The following ADAM12 variants were observed in gnomAD, a reference collection of about 807,000 sequenced individuals.
ADAM12 encodes disintegrin and metalloproteinase domain-containing protein 12.
ADAM12 carries 70 observed loss-of-function variants against 106.4 expected under a neutral mutation model. That is an observed-to-expected ratio of 0.66 (90% CI 0.54 to 0.80). The LOEUF (loss-of-function observed/expected upper bound fraction) is 0.80, where lower values mean the gene tolerates loss of function less well. Among genes scored for constraint, ADAM12 ranks in the 30% least tolerant of loss-of-function variants. The probability of loss-of-function intolerance (pLI) is 0.00; values close to 1 mark genes in which losing one functional copy is unlikely to be tolerated. For missense variants in ADAM12, 1,010 were observed against 1,171.9 expected (o/e 0.86, Z 2.02); for synonymous variants, 420 against 433.5 (o/e 0.97, Z 0.39).
At chr10:126,231,736 T>A (rs1565154690) in intron 3 of ADAM12, among the ~76,000 whole-genome samples, 1 of 152,194 alleles carries the variant, frequency 6.6e-6, no homozygotes, top group Non-Finnish European at 1.5e-5. Context: ...CTGAACTGCC[T>A]CCTGCCTCGG....
chr10:126,121,174 C>G (rs1359757543), intron 5 of ADAM12, among the ~76,000 whole-genome samples: 1 of 94,272 alleles, frequency 1.1e-5, no homozygotes, highest in African/African-American at 4.9e-5. Context: ...ACTATATATA[C>G]TATATACACT....
chr10:126,082,296 T>C (rs985905332), intron 11 of ADAM12, among the ~76,000 whole-genome samples: 4 of 150,896 alleles, frequency 2.7e-5, no homozygotes, highest in African/African-American at 9.7e-5. Flanking sequence ...GTCCAGGCAC[T>C]GAGCTCAGAG....
chr10:126,328,115 T>A (rs1170191197), intron 2 of ADAM12, among the ~76,000 whole-genome samples: 1 of 152,258 alleles, frequency 6.6e-6, no homozygotes, highest in Non-Finnish European at 1.5e-5. Context: ...AATACTTTGT[T>A]GTTTTTTTCT....
chr10:126,188,704 T>C (rs17154456), intron 3 of ADAM12, among the ~76,000 whole-genome samples: 5,401 of 152,278 alleles, frequency 0.035, 324 homozygotes, highest in African/African-American at 0.12. Context: ...TCATCTTACC[T>C]TTGGGAATCT....
chr10:126,299,617 G>T (rs1187913131), intron 2 of ADAM12, among the ~76,000 whole-genome samples: 1 of 151,746 alleles, frequency 6.6e-6, no homozygotes, highest in Non-Finnish European at 1.5e-5. Context: ...CCATGTTACT[G>T]TCTAATATTT....
chr10:126,308,771 A>G (rs1960955758), intron 2 of ADAM12, among the ~76,000 whole-genome samples: 1 of 152,216 alleles, frequency 6.6e-6, no homozygotes, highest in Admixed American at 6.5e-5. Flanking sequence ...CTCATCTCAG[A>G]TAAGAGGCAT....
intron 1 of ADAM12, among the ~76,000 whole-genome samples, chr10:126,342,280 T>C (rs530194131): frequency 2.7e-4 from 41 of 152,332 alleles, no homozygotes; most frequent in Middle Eastern, 3.4e-3. Flanking sequence ...ACATGATTTT[T>C]ACAACCTTTG....
At chr10:126,098,614 T>A (rs1955601245) in intron 9 of ADAM12, 114 bp from the exon 10 acceptor site, 1 of 845,012 alleles carries the variant, frequency 1.2e-6, no homozygotes, top group East Asian at 2.6e-5. Flanking sequence ...TAAAAATAGC[T>A]GTATGAGGGT....
At chr10:126,271,422 C>T (rs116364852) in intron 3 of ADAM12, among the ~76,000 whole-genome samples, 1,895 of 152,284 alleles carry the variant, frequency 0.012, 38 homozygotes, top group African/African-American at 0.043. Context: ...AATATGCAGT[C>T]CCTTGACCAC....
chr10:126,366,739 A>G (rs1366479383), intron 1 of ADAM12, among the ~76,000 whole-genome samples: 1 of 152,144 alleles, frequency 6.6e-6, no homozygotes, highest in Non-Finnish European at 1.5e-5. Context: ...TGCTCTGCGC[A>G]TACATATGCA....
At chr10:126,383,073 T>C (rs1293776732) in intron 1 of ADAM12, among the ~76,000 whole-genome samples, 1 of 152,100 alleles carries the variant, frequency 6.6e-6, no homozygotes, top group African/African-American at 2.4e-5. Context: ...GCATCCTGAG[T>C]AGCTGGAACT....
chr10:126,064,137 G>T lies in ADAM12; in HGVS notation c.1609+669C>A, dbSNP rs1295893. Among the ~76,000 whole-genome samples the T allele has an allele frequency of 0.012, 1,764 of 152,096 alleles. 21 individuals carry two copies. The highest frequency in any genetic ancestry group is 0.04 in the African/African-American group (1,664 of 41,470). ...TTGTTGGAGGGTCAGAAGAGACAAA[G>T]TGTGCCAAGTGCCCAGCCTGAACTG... On this transcript the variant is annotated intron_variant, in intron 14 of 22. Coordinates refer to ENST00000448723, the MANE Select transcript of ADAM12 (RefSeq NM_001288973.2). The surrounding 1 kb of genome is among the most constrained non-coding windows in gnomAD (Gnocchi z 4.4).
chr10:126,112,335 GT>G (rs576900335), intron 6 of ADAM12, among the ~76,000 whole-genome samples: 3,575 of 142,356 alleles, frequency 0.025, 51 homozygotes, highest in South Asian at 0.047. Flanking sequence ...CATGTATCCT[GT>G]TTTTTTTTTT....
At chr10:126,129,303 G>C (rs1042650341) in intron 5 of ADAM12, among the ~76,000 whole-genome samples, 1 of 152,224 alleles carries the variant, frequency 6.6e-6, no homozygotes, top group Non-Finnish European at 1.5e-5. Context: ...CCCTCCAGGA[G>C]CTCATGCTCC....
chr10:126,288,892 GGACATGACCACAGGGTGGCAT>G (rs1230709491), intron 2 of ADAM12, among the ~76,000 whole-genome samples: 1 of 151,948 alleles, frequency 6.6e-6, no homozygotes, highest in Non-Finnish European at 1.5e-5. Context: ...TTACCCCTAA[GGACATGACCACAGGGTGGCAT>G]GATGGCCTGG....
rs369255179 is a variant in ADAM12, at chr10:126,065,567, T to C, written c.1414-566A>G. 4.5e-4 allele frequency among the ~76,000 whole-genome samples: 68 copies of C among 152,248 alleles called. 1 individual carries two copies. In the South Asian group the frequency reaches 0.012, roughly 27 times the overall value. ...GAGAGGTAAAGGATGTTAGAAGCCATCTGACCAATGGCTCAGCTTTTTGTG... is the reference window on the plus strand; with the variant it reads ...GAGAGGTAAAGGATGTTAGAAGCCACCTGACCAATGGCTCAGCTTTTTGTG... On this transcript the variant is annotated intron_variant, in intron 13 of 22. Coordinates refer to ENST00000448723, the MANE Select transcript of ADAM12 (RefSeq NM_001288973.2).
At position 126,049,294 on chromosome 10, in the gene ADAM12, G is replaced by A. The variant is rs1954408966; in HGVS notation, c.1876C>T (p.Pro626Ser). The A allele has an allele frequency of 3.1e-6, 5 of 1,614,206 alleles. No homozygotes were observed. Among genetic ancestry groups the A allele is most frequent in the Non-Finnish European group, 4.2e-6 (5 of 1,180,046 alleles). Residue 626 changes from proline to serine, a missense_variant, in exon 16 of 23, where the codon CCA (proline) becomes TCA (serine). Pro to Ser is a moderately conservative substitution (Grantham distance 74). Transcript: ENST00000448723. The surrounding 1 kb of genome is among the most constrained non-coding windows in gnomAD (Gnocchi z 4.4). ...HVYLGDDMPD[P>S]GLVLAGTKCA... The stretch of plus-strand genomic sequence containing the variant: ...TTTGTGCCTGCAAGCACAAGCCCTG[G>A]GTCCGGCATGTCATCGCCCAAGTAC...
At chr10:126,344,531 TTAAAG>T (rs1401583006) in intron 1 of ADAM12, among the ~76,000 whole-genome samples, 5 of 152,210 alleles carry the variant, frequency 3.3e-5, no homozygotes, top group Non-Finnish European at 7.3e-5. Flanking sequence ...CATATGAACT[TTAAAG>T]TAGTTTTTTC....
intron 10 of ADAM12, 60 bp downstream of exon 10, chr10:126,098,356 G>T: frequency 7.3e-7 from 1 of 1,372,260 alleles, no homozygotes; most frequent in Non-Finnish European, 1.0e-6. Flanking sequence ...TCTGATAAAA[G>T]TAGTGACTTC....
Sources: gnomAD v4.1 joint callset for allele counts (sites outside exome capture counted in the v4.1 genomes callset) on GRCh38, gnomAD v4.1.1 for gene constraint, Gnocchi (gnomAD v3.1) non-coding constraint, MANE v1.5 for transcripts, NCBI Gene and HGNC (gene_info 2026-07-23, HGNC 2026-07-21) for gene names.